The following NUDCD1 variants were observed in gnomAD, a reference collection of about 807,000 sequenced individuals.
NUDCD1 encodes the protein nudC domain-containing protein 1.
NUDCD1 carries 60 observed loss-of-function variants against 67.8 expected under a neutral mutation model. The ratio of observed to expected loss-of-function variants is 0.88; its 90% CI spans 0.72 to 1.10. NUDCD1 has a LOEUF of 1.10. NUDCD1 is among the 50% of genes least tolerant of loss of function. The pLI, the probability that NUDCD1 is intolerant of heterozygous loss-of-function variation, is 0.00. For synonymous variants in NUDCD1, 244 were observed against 230.8 expected (o/e 1.06, Z -0.52); for missense variants, 643 against 695.0 (o/e 0.93, Z 0.84).
At chr8:109,293,882 A>T (rs1814771887) in intron 3 of NUDCD1, among the ~76,000 whole-genome samples, 1 of 152,056 alleles carries the variant, frequency 6.6e-6, no homozygotes, top group Non-Finnish European at 1.5e-5. Context: ...AGAGTCAAAA[A>T]CATTGAAGAA....
At chr8:109,327,113 C>T (rs1815697484) in intron 1 of NUDCD1, among the ~76,000 whole-genome samples, 1 of 152,154 alleles carries the variant, frequency 6.6e-6, no homozygotes, top group Non-Finnish European at 1.5e-5. Context: ...AGAATCAACC[C>T]AATAAGCCTT....
chr8:109,317,299 G>A (rs1815423480), intron 2 of NUDCD1, among the ~76,000 whole-genome samples: 2 of 152,042 alleles, frequency 1.3e-5, no homozygotes, highest in Admixed American at 1.3e-4. Flanking sequence ...GCGGATCTCT[G>A]GAGCCTAGGG....
intron 2 of NUDCD1, among the ~76,000 whole-genome samples, chr8:109,303,583 C>G (rs915016114): frequency 6.6e-6 from 1 of 152,054 alleles, no homozygotes; most frequent in African/African-American, 2.4e-5. Flanking sequence ...GACATTTTAA[C>G]TAAATTATCT....
At chr8:109,258,959 A>G (rs1157943135) in intron 8 of NUDCD1, among the ~76,000 whole-genome samples, 1 of 152,216 alleles carries the variant, frequency 6.6e-6, no homozygotes, top group East Asian at 1.9e-4. Flanking sequence ...GAAAGAAACT[A>G]AAATGTCTCC....
intron 5 of NUDCD1, among the ~76,000 whole-genome samples, chr8:109,288,529 A>T (rs1368181633): frequency 2.0e-5 from 3 of 152,224 alleles, no homozygotes; most frequent in Non-Finnish European, 4.4e-5. Flanking sequence ...AGGTATTAAA[A>T]GTCTAAAGAA....
chr8:109,303,333 T>C (rs1444537577), intron 2 of NUDCD1, among the ~76,000 whole-genome samples: 1 of 152,112 alleles, frequency 6.6e-6, no homozygotes, highest in East Asian at 1.9e-4. Flanking sequence ...ACAGACACTT[T>C]GGGTAACTCT....
chr8:109,250,617 A>C (rs939700651), intron 8 of NUDCD1, among the ~76,000 whole-genome samples: 1 of 152,182 alleles, frequency 6.6e-6, no homozygotes, highest in Non-Finnish European at 1.5e-5. Flanking sequence ...TGTTAACTCT[A>C]GGGTTTCTGA....
chr8:109,330,379 T>A (rs1301089341), intron 1 of NUDCD1, among the ~76,000 whole-genome samples: 1 of 152,200 alleles, frequency 6.6e-6, no homozygotes, highest in Non-Finnish European at 1.5e-5. Flanking sequence ...GTAGCCAAGG[T>A]GCCCATCAAA....
chr8:109,305,431 T>G (rs960393013), intron 2 of NUDCD1, among the ~76,000 whole-genome samples: 4 of 152,158 alleles, frequency 2.6e-5, no homozygotes, highest in African/African-American at 9.7e-5. Context: ...TACCCCTTAC[T>G]GTCCTCAATC....
At chr8:109,246,212 G>A (rs1055326365) in intron 8 of NUDCD1, among the ~76,000 whole-genome samples, 7 of 152,138 alleles carry the variant, frequency 4.6e-5, no homozygotes, top group Admixed American at 3.3e-4. Flanking sequence ...TTAGGCCATA[G>A]AATACACACA....
chr8:109,283,997 A>G (rs1274853897), intron 5 of NUDCD1, among the ~76,000 whole-genome samples: 1 of 150,614 alleles, frequency 6.6e-6, no homozygotes, highest in Non-Finnish European at 1.5e-5. Context: ...ATTAAAAAAA[A>G]AAAAAAAAAA....
chr8:109,309,796 C>A (rs893895268), intron 2 of NUDCD1, among the ~76,000 whole-genome samples: 7 of 151,754 alleles, frequency 4.6e-5, no homozygotes. Flanking sequence ...AAATCAGTAG[C>A]TCTTCTACAT....
At chr8:109,248,809 A>G (rs1040673945) in intron 8 of NUDCD1, among the ~76,000 whole-genome samples, 1 of 152,046 alleles carries the variant, frequency 6.6e-6, no homozygotes, top group African/African-American at 2.4e-5. Context: ...ATTCACTATT[A>G]CTTTCCTTAA....
At chr8:109,265,173 A>T (rs1207710539) in intron 8 of NUDCD1, among the ~76,000 whole-genome samples, 1 of 152,068 alleles carries the variant, frequency 6.6e-6, no homozygotes, top group Non-Finnish European at 1.5e-5. Context: ...TTACAAATGA[A>T]TTGTTAGTAA....
In NUDCD1 at chr8:109,242,232, A is replaced by T. The variant is rs368162460; in HGVS notation, c.*777T>A. 7.6e-6 allele frequency: 3 copies of T among 396,892 alleles called. No individual in the cohort carries two copies. The South Asian group carries it at 3.8e-4, about 51-fold the overall frequency. 24.6% of individuals were successfully genotyped at this position (396,892 alleles called of 1,614,324 possible). On this transcript the variant is annotated 3_prime_UTR_variant, in exon 10 of 10. Transcript: ENST00000239690. ...GTACAGGATCGATAAGCTCTTGCATATTGGAGCTTGCTCTCTTAAGATGTT... is the reference window on the plus strand; with the variant it reads ...GTACAGGATCGATAAGCTCTTGCATTTTGGAGCTTGCTCTCTTAAGATGTT...
At chr8:109,302,478 C>T (rs1815011526) in intron 2 of NUDCD1, among the ~76,000 whole-genome samples, 1 of 152,082 alleles carries the variant, frequency 6.6e-6, no homozygotes. Flanking sequence ...CTCCCCTCCT[C>T]CCCAGGCTGT....
chr8:109,324,393 C>CA (rs552947815), intron 1 of NUDCD1, among the ~76,000 whole-genome samples: 2,035 of 119,188 alleles, frequency 0.017, 35 homozygotes, highest in African/African-American at 0.046. Context: ...CAAAAAAATA[C>CA]AAAAAAAAAA....
chr8:109,269,946 A>T (rs920045772), intron 8 of NUDCD1, among the ~76,000 whole-genome samples: 15 of 19,860 alleles, frequency 7.6e-4, no homozygotes, highest in African/African-American at 3.7e-3. Context: ...GTTCTAAATT[A>T]AAAAAAAAAA....
rs574876006 is a variant in NUDCD1, at chr8:109,289,217, C to T, written c.823+534G>A. Among the ~76,000 whole-genome samples the T allele has an allele frequency of 5.9e-5, 9 of 152,080 alleles. No homozygotes were observed. The South Asian group carries it at 8.3e-4, about 14-fold the overall frequency. On this transcript the variant is annotated intron_variant, in intron 5 of 9. Transcript: ENST00000239690. ...GTCTCGATCTCCTGACCTTTTGATC[C>T]GCCCACCTAGGCCTCCCAAAGTGCT...
Sources: allele counts gnomAD v4.1 joint callset (sites outside exome capture counted in the v4.1 genomes callset), GRCh38; gene constraint gnomAD v4.1.1; transcripts MANE v1.5; gene names NCBI Gene and HGNC (gene_info 2026-07-23, HGNC 2026-07-21).